The following DCUN1D5 variants were observed in gnomAD, a reference collection of about 807,000 sequenced individuals.
DCUN1D5 encodes the protein defective in cullin neddylation 1 domain containing 5, also known as DCN1-like protein 5.
In DCUN1D5, 10 loss-of-function variants were observed where a neutral mutation model predicts 38.3. That is an observed-to-expected ratio of 0.26 (90% CI 0.16 to 0.44). DCUN1D5 has a LOEUF of 0.44. DCUN1D5 is among the 20% of genes least tolerant of loss of function. The probability of loss-of-function intolerance (pLI) is 1.00; values close to 1 mark genes in which losing one functional copy is unlikely to be tolerated. For synonymous variants in DCUN1D5, 93 were observed against 90.9 expected, an observed-to-expected ratio of 1.02 and a Z score of -0.13; for missense variants, 148 against 275.3, an observed-to-expected ratio of 0.54 and a Z score of 3.27.
At position 103,064,077 on chromosome 11, in the gene DCUN1D5, T is replaced by C. The variant is rs1372120024; in HGVS notation, c.658+198A>G. ...TTTGGTTGCCGAGGAACTGAAAACA[T>C]TTCATTTACCAGCATAGATTTTATA... On this transcript the variant is annotated intron_variant, in intron 7 of 7. Coordinates refer to ENST00000260247, the MANE Select transcript of DCUN1D5 (RefSeq NM_032299.4). This position sits in a 1 kb window ranked among gnomAD's most constrained non-coding sequence, Gnocchi z 4.5. Among the ~76,000 whole-genome samples, 1 of 152,142 alleles carries C rather than the reference T, an allele frequency of 6.6e-6. No homozygotes were observed. The highest frequency in any genetic ancestry group is 6.5e-5 in the Admixed American group (1 of 15,270).
chr11:103,070,309 A>AAACTTT (rs1862241007), intron 4 of DCUN1D5, among the ~76,000 whole-genome samples: 1 of 152,192 alleles, frequency 6.6e-6, no homozygotes, highest in South Asian at 2.1e-4. Flanking sequence ...TGTCTAGAAG[A>AAACTTT]AACTTTAACT....
At position 103,057,701 on chromosome 11, in the gene DCUN1D5, C is replaced by G. The variant is rs185355130; in HGVS notation, c.*4658G>C. ...CACCACTGCACTCCATCCTGGGTGA[C>G]AGAGTAAGACCCTGTCTCCAAAAAA... On this transcript the variant is annotated 3_prime_UTR_variant, in exon 8 of 8. Transcript: ENST00000260247. This position sits in a 1 kb window ranked among gnomAD's most constrained non-coding sequence, Gnocchi z 4.8. Among the ~76,000 whole-genome samples, 2 of 151,760 alleles carry G rather than the reference C, an allele frequency of 1.3e-5. No homozygotes were observed. The highest frequency in any genetic ancestry group is 3.9e-4 in the East Asian group (2 of 5,152).
In DCUN1D5 at chr11:103,066,730, C is replaced by T. The variant is rs557316840; in HGVS notation, c.342-163G>A. ...AAATTTAGAGTAATAAATTTCTTGCCCTGCATCTACCAATGCAATAAAAAA... is the reference window on the plus strand; with the variant it reads ...AAATTTAGAGTAATAAATTTCTTGCTCTGCATCTACCAATGCAATAAAAAA... On this transcript the variant is annotated intron_variant, in intron 4 of 7. Transcript: ENST00000260247. The surrounding 1 kb of genome is among the most constrained non-coding windows in gnomAD (Gnocchi z 4.7). 6.6e-6 allele frequency among the ~76,000 whole-genome samples: 1 copy of T among 151,838 alleles called. No homozygotes were observed. The highest frequency in any genetic ancestry group is 1.5e-5 in the Non-Finnish European group (1 of 67,942).
Position 103,056,855 on chromosome 11 carries a change from G to T in DCUN1D5, c.*5504C>A, listed in dbSNP as rs190302172. ...AAACTATCATAACTAACCACTTCTT[G>T]TTCAAGTAACAAGACGCATTCATTT... On this transcript the variant is annotated 3_prime_UTR_variant, in exon 8 of 8. Transcript: ENST00000260247. The surrounding 1 kb of genome is among the most constrained non-coding windows in gnomAD (Gnocchi z 4.9). 6.6e-6 allele frequency among the ~76,000 whole-genome samples: 1 copy of T among 152,272 alleles called. No individual in the cohort carries two copies. Among genetic ancestry groups the T allele is most frequent in the East Asian group, 1.9e-4 (1 of 5,182 alleles).
rs1443757723 is a variant in DCUN1D5 at position 103,061,375 on chromosome 11, T to C, written c.*984A>G. Among the ~76,000 whole-genome samples the C allele has an allele frequency of 6.6e-6, 1 of 152,118 alleles. No homozygotes were observed. The highest frequency in any genetic ancestry group is 2.4e-5 in the African/African-American group (1 of 41,424). ...CTGCTGCTAGTACAAAAGTGCCTTT[T>C]ACATGAATTAGGAAAGCCTTCCCTT... is the stretch of plus-strand genomic sequence containing the variant. On this transcript the variant is annotated 3_prime_UTR_variant, in exon 8 of 8. Transcript: ENST00000260247.
Position 103,091,891 on chromosome 11 carries a change from G to T in DCUN1D5, c.-19C>A. On this transcript the variant is annotated 5_prime_UTR_variant, in exon 1 of 8. The change creates a new upstream start codon in the 5' untranslated region. Coordinates refer to ENST00000260247, the MANE Select transcript of DCUN1D5 (RefSeq NM_032299.4). This position sits in a 1 kb window ranked among gnomAD's most constrained non-coding sequence, Gnocchi z 4.3. ...CCGGCATCTTCCGCCCTCCCCGGCA[G>T]GGTGGGCAGGGGAGCCGGGGAAGGG... 6.2e-7 allele frequency: 1 copy of T among 1,607,208 alleles called. No individual in the cohort carries two copies. Among genetic ancestry groups the T allele is most frequent in the South Asian group, 1.1e-5 (1 of 90,448 alleles).
At position 103,051,801 on chromosome 11, in the gene DCUN1D5, C is replaced by T. The variant is rs961460616; in HGVS notation, c.*10558G>A. On this transcript the variant is annotated 3_prime_UTR_variant, in exon 8 of 8. Coordinates refer to ENST00000260247, the MANE Select transcript of DCUN1D5 (RefSeq NM_032299.4). ...ACTAAGAAGCAAAGGACTCTGAACA[C>T]AGATCTCTGAACTCCAAACCCAGGG... The T allele has an allele frequency of 6.6e-6, 1 of 152,194 alleles. No individual in the cohort carries two copies. The highest frequency in any genetic ancestry group is 1.5e-5 in the Non-Finnish European group (1 of 68,050). 9.4% of individuals were successfully genotyped at this position (152,194 alleles called of 1,614,324 possible).
At chr11:103,085,729 T>G (rs1862689541) in intron 2 of DCUN1D5, among the ~76,000 whole-genome samples, 1 of 152,180 alleles carries the variant, frequency 6.6e-6, no homozygotes, top group African/African-American at 2.4e-5. Context: ...ATAAAACTAC[T>G]CTCTGGGTAA....
In DCUN1D5 at chr11:103,066,684, A is replaced by C. The variant is rs1364619221; in HGVS notation, c.342-117T>G. ...GTGAGCGCATTTATGAAGTTAATTT[A>C]GTTTTAAAATTCTGAGTCACAAATT... is the stretch of plus-strand genomic sequence containing the variant. On this transcript the variant is annotated intron_variant, in intron 4 of 7. Coordinates refer to ENST00000260247, the MANE Select transcript of DCUN1D5 (RefSeq NM_032299.4). This position sits in a 1 kb window ranked among gnomAD's most constrained non-coding sequence, Gnocchi z 4.7. 1.8e-6 allele frequency: 1 copy of C among 556,058 alleles called. No individual in the cohort carries two copies. The highest frequency in any genetic ancestry group is 3.1e-6 in the Non-Finnish European group (1 of 327,678). The allele number at this position is 556,058 out of a possible 1,614,324, so 34.4% of individuals were successfully genotyped here.
rs543065716 is a variant in DCUN1D5 at position 103,077,069 on chromosome 11, G to A, written c.341+5679C>T. 1.3e-5 allele frequency among the ~76,000 whole-genome samples: 2 copies of A among 152,180 alleles called. No individual in the cohort carries two copies. The highest frequency in any genetic ancestry group is 4.8e-5 in the African/African-American group (2 of 41,530). On this transcript the variant is annotated intron_variant, in intron 4 of 7. Coordinates refer to ENST00000260247, the MANE Select transcript of DCUN1D5 (RefSeq NM_032299.4). This position sits in a 1 kb window ranked among gnomAD's most constrained non-coding sequence, Gnocchi z 4.3. ...AAAAAAATTAGCTGGGTGTGGTGGC[G>A]GGTGCCTGTAGTCCCAGCTACTCAG...
chr11:103,090,847 G>A (rs1032929673), intron 1 of DCUN1D5, among the ~76,000 whole-genome samples: 1 of 152,194 alleles, frequency 6.6e-6, no homozygotes, highest in Non-Finnish European at 1.5e-5. Flanking sequence ...GGGAGGCGGA[G>A]GTTGCAGTAA....
At chr11:103,072,335 G>C (rs1280034438) in intron 4 of DCUN1D5, among the ~76,000 whole-genome samples, 4 of 138,306 alleles carry the variant, frequency 2.9e-5, no homozygotes, top group African/African-American at 1.2e-4. Flanking sequence ...CAAGGATCTA[G>C]AACTAGATCT....
chr11:103,072,925 A>C (rs1380105030), intron 4 of DCUN1D5, among the ~76,000 whole-genome samples: 1 of 152,310 alleles, frequency 6.6e-6, no homozygotes, highest in East Asian at 1.9e-4. Context: ...GAAATAAAAG[A>C]TATATAGATC....
chr11:103,064,310 T>C lies in DCUN1D5; in HGVS notation c.623A>G (p.His208Arg). 6.2e-7 allele frequency: 1 copy of C among 1,611,546 alleles called. No individual in the cohort carries two copies. The highest frequency in any genetic ancestry group is 1.1e-5 in the South Asian group (1 of 90,614). ...YNVLEFSRTV[H>R]ADLSNYDEDG... ...TTCATCATAGTTACTAAGATCAGCA[T>C]GGACTGTTCTGCTGAATTCTAATAC... Residue 208 changes from histidine (H) to arginine (R), a missense_variant, in exon 7 of 8, where the codon CAT becomes CGT. By Grantham distance (29) the His-to-Arg change is conservative. Coordinates refer to ENST00000260247, the MANE Select transcript of DCUN1D5 (RefSeq NM_032299.4). The surrounding 1 kb of genome is among the most constrained non-coding windows in gnomAD (Gnocchi z 4.5).
At chr11:103,079,540 G>A (rs1043597604) in intron 4 of DCUN1D5, among the ~76,000 whole-genome samples, 2 of 151,690 alleles carry the variant, frequency 1.3e-5, no homozygotes, top group African/African-American at 4.8e-5. Flanking sequence ...AGACCAACCT[G>A]GGCAACATAG....
chr11:103,062,056 T>A lies in DCUN1D5; in HGVS notation c.*303A>T, dbSNP rs1483971449. 3.3e-6 allele frequency: 1 copy of A among 301,136 alleles called. No individual in the cohort carries two copies. The highest frequency in any genetic ancestry group is 2.2e-5 in the African/African-American group (1 of 46,020). The allele number at this position is 301,136 out of a possible 1,614,324, so 18.7% of individuals were successfully genotyped here. A position where few individuals can be genotyped will look rare whatever the true frequency, so the allele number is the denominator to read the frequency against. On this transcript the variant is annotated 3_prime_UTR_variant, in exon 8 of 8. Transcript: ENST00000260247. The surrounding 1 kb of genome is among the most constrained non-coding windows in gnomAD (Gnocchi z 4.6). ...AAATTTACAAAAATAAATACCACTC[T>A]GACACTCAAGGGACATCTTCACTTT...
chr11:103,056,222 G>A lies in DCUN1D5; in HGVS notation c.*6137C>T, dbSNP rs1861869237. ...TCACTCAGTAAAGTCCTACTCTTGA[G>A]AAAGGGCTATAATGCCCTACGTAAT... is the stretch of plus-strand genomic sequence containing the variant. On this transcript the variant is annotated 3_prime_UTR_variant, in exon 8 of 8. Transcript: ENST00000260247. The surrounding 1 kb of genome is among the most constrained non-coding windows in gnomAD (Gnocchi z 4.9). Among the ~76,000 whole-genome samples, 1 of 152,148 alleles carries A rather than the reference G, an allele frequency of 6.6e-6. No homozygotes were observed. Among genetic ancestry groups the A allele is most frequent in the Non-Finnish European group, 1.5e-5 (1 of 68,026 alleles).
rs545898212 is a variant in DCUN1D5, at chr11:103,053,773, T to G, written c.*8586A>C. 3 of 151,960 alleles carry G rather than the reference T, an allele frequency of 2.0e-5. No homozygotes were observed. The highest frequency in any genetic ancestry group is 4.4e-5 in the Non-Finnish European group (3 of 67,960). 9.4% of individuals were successfully genotyped at this position (151,960 alleles called of 1,614,324 possible). A position where few individuals can be genotyped will look rare whatever the true frequency, so the allele number is the denominator to read the frequency against. Reference sequence around the variant, plus strand: ...ATCTATTATGTATCAATGAAAAAAATGTATCTGAGTGGTTCAATTTTTCCA... The same window carrying G: ...ATCTATTATGTATCAATGAAAAAAAGGTATCTGAGTGGTTCAATTTTTCCA... On this transcript the variant is annotated 3_prime_UTR_variant, in exon 8 of 8. Coordinates refer to ENST00000260247, the MANE Select transcript of DCUN1D5 (RefSeq NM_032299.4). The surrounding 1 kb of genome is among the most constrained non-coding windows in gnomAD (Gnocchi z 4.8).
At position 103,091,371 on chromosome 11, in the gene DCUN1D5, A is replaced by G. The variant is rs1333402550; in HGVS notation, c.86+416T>C. 1.2e-5 allele frequency: 2 copies of G among 170,096 alleles called. No homozygotes were observed. Among genetic ancestry groups the G allele is most frequent in the African/African-American group, 4.8e-5 (2 of 41,436 alleles). 10.5% of individuals were successfully genotyped at this position (170,096 alleles called of 1,614,324 possible). A position where few individuals can be genotyped will look rare whatever the true frequency, so the allele number is the denominator to read the frequency against. On this transcript the variant is annotated intron_variant, in intron 1 of 7. Coordinates refer to ENST00000260247, the MANE Select transcript of DCUN1D5 (RefSeq NM_032299.4). The surrounding 1 kb of genome is among the most constrained non-coding windows in gnomAD (Gnocchi z 4.3). ...ATTCCTTATGTTCTGCTTTCTTCAC[A>G]CTCTACAAAGAAATTCTAGAAGTGA...
Sources: allele counts gnomAD v4.1 joint callset (sites outside exome capture counted in the v4.1 genomes callset), GRCh38; gene constraint gnomAD v4.1.1; non-coding constraint Gnocchi (gnomAD v3.1); transcripts MANE v1.5; gene names NCBI Gene and HGNC (gene_info 2026-07-23, HGNC 2026-07-21).